The following GRK5 variants were observed in gnomAD, a reference collection of about 807,000 sequenced individuals.
GRK5 encodes the protein G protein-coupled receptor kinase 5.
Under a neutral mutation model 78.4 loss-of-function variants are expected in GRK5, and 40 were observed. The ratio of observed to expected loss-of-function variants is 0.51; its 90% CI spans 0.40 to 0.66. The LOEUF is 0.66. Ranked by LOEUF, GRK5 falls within the 30% of genes least tolerant of loss-of-function variation. The pLI, the probability that GRK5 is intolerant of heterozygous loss-of-function variation, is 0.00. For synonymous variants in GRK5, 289 were observed against 296.8 expected (o/e 0.97, Z 0.27); for missense variants, 598 against 759.9 (o/e 0.79, Z 2.50).
In GRK5 at chr10:119,455,075, T is replaced by C. The variant is rs1172020314; in HGVS notation, c.*8T>C. ...TCCACCGGAAGCAGCTAGTTTCGGC[T>C]CTGGCCTCCAAGTCCACAGTGGAAC... is the stretch of plus-strand genomic sequence containing the variant. On this transcript the variant is annotated 3_prime_UTR_variant, in exon 16 of 16. Coordinates refer to ENST00000392870, the MANE Select transcript of GRK5 (RefSeq NM_005308.3). 5 of 1,605,198 alleles carry C rather than the reference T, an allele frequency of 3.1e-6. No individual in the cohort carries two copies. Among genetic ancestry groups the C allele is most frequent in the South Asian group, 1.1e-5 (1 of 90,932 alleles).
chr10:119,287,489 C>T (rs1444176445), intron 1 of GRK5, among the ~76,000 whole-genome samples: 1 of 152,070 alleles, frequency 6.6e-6, no homozygotes, highest in Non-Finnish European at 1.5e-5. Context: ...TCTGTCCGTC[C>T]ATTATTAATA....
chr10:119,404,987 A>G (rs1176537958), intron 4 of GRK5, among the ~76,000 whole-genome samples: 2 of 152,228 alleles, frequency 1.3e-5, no homozygotes, highest in Admixed American at 6.5e-5. Context: ...TACTTGTAGG[A>G]CATTTTGCTG....
rs542551498 is a variant in GRK5, at chr10:119,328,976, T to C, written c.148+2365T>C. On this transcript the variant is annotated intron_variant, in intron 2 of 15. Transcript: ENST00000392870. Reference sequence around the variant, plus strand: ...CCAGAGCACCCTTCCTCAGGGCTCTTTGGGGAGGAACTGGATTGTTAAAAT... The same window carrying C: ...CCAGAGCACCCTTCCTCAGGGCTCTCTGGGGAGGAACTGGATTGTTAAAAT... 4.5e-4 allele frequency among the ~76,000 whole-genome samples: 68 copies of C among 152,254 alleles called. 1 individual carries two copies. The highest frequency in any genetic ancestry group is 9.0e-4 in the Non-Finnish European group (61 of 68,002).
chr10:119,401,308 T>C (rs1164498436), intron 4 of GRK5, among the ~76,000 whole-genome samples: 1 of 152,212 alleles, frequency 6.6e-6, no homozygotes, highest in Non-Finnish European at 1.5e-5. Context: ...CCTGAAGTTT[T>C]TATCTCAAGA....
chr10:119,410,507 G>T (rs1297531832), intron 4 of GRK5, among the ~76,000 whole-genome samples: 1 of 152,214 alleles, frequency 6.6e-6, no homozygotes, highest in East Asian at 1.9e-4. Flanking sequence ...CTGGGTCTCA[G>T]GCTGACCAGG....
chr10:119,237,796 CAAAG>C (rs776076133), intron 1 of GRK5, among the ~76,000 whole-genome samples: 2 of 152,030 alleles, frequency 1.3e-5, no homozygotes, highest in Non-Finnish European at 2.9e-5. Flanking sequence ...ATAGAAAGGA[CAAAG>C]GAAATGGAAG....
At chr10:119,421,516 C>G (rs1431262472) in intron 4 of GRK5, among the ~76,000 whole-genome samples, 1 of 152,218 alleles carries the variant, frequency 6.6e-6, no homozygotes, top group South Asian at 2.1e-4. Context: ...CCCATGACAT[C>G]GAGGATCTTT....
intron 4 of GRK5, among the ~76,000 whole-genome samples, chr10:119,419,459 A>G (rs1281642480): frequency 6.6e-6 from 1 of 152,246 alleles, no homozygotes; most frequent in Non-Finnish European, 1.5e-5. Flanking sequence ...AATGGCCAGC[A>G]GCTTCTTATT....
rs1051456345 is a variant in GRK5, at chr10:119,217,132, G to A, written c.52+9163G>A. Among the ~76,000 whole-genome samples the A allele has an allele frequency of 4.6e-5, 7 of 152,120 alleles. No individual in the cohort carries two copies. Among genetic ancestry groups the A allele is most frequent in the African/African-American group, 1.7e-4 (7 of 41,416 alleles). On this transcript the variant is annotated intron_variant, in intron 1 of 15. Transcript: ENST00000392870. This position sits in a 1 kb window ranked among gnomAD's most constrained non-coding sequence, Gnocchi z 4.1. ...AACAAACTCTTCTCGAGATGGTAGG[G>A]TTTTTAAGTGTAAATACCCATGAGG...
In GRK5 at chr10:119,457,021, T is replaced by C. The variant is rs1388019000; in HGVS notation, c.*1954T>C. The C allele has an allele frequency of 6.6e-6, 1 of 152,236 alleles. No individual in the cohort carries two copies. The highest frequency in any genetic ancestry group is 1.5e-5 in the Non-Finnish European group (1 of 68,040). 9.4% of individuals were successfully genotyped at this position (152,236 alleles called of 1,614,324 possible). On this transcript the variant is annotated 3_prime_UTR_variant, in exon 16 of 16. Coordinates refer to ENST00000392870, the MANE Select transcript of GRK5 (RefSeq NM_005308.3). Reference sequence around the variant, plus strand: ...TTTTTGTTCAAGACCAGCTCTTGTTTTATGAGGCTCCTTCCATTACCTTTC... The same window carrying C: ...TTTTTGTTCAAGACCAGCTCTTGTTCTATGAGGCTCCTTCCATTACCTTTC...
chr10:119,397,239 A>G (rs1852070193), intron 4 of GRK5, among the ~76,000 whole-genome samples: 1 of 152,220 alleles, frequency 6.6e-6, no homozygotes, highest in African/African-American at 2.4e-5. Context: ...ATTCTGGAGT[A>G]TTCTGAAGGG....
rs1458335720 is a variant in GRK5 at position 119,431,690 on chromosome 10, A to G, written c.738+163A>G. On this transcript the variant is annotated intron_variant, in intron 8 of 15. Transcript: ENST00000392870. The surrounding 1 kb of genome is among the most constrained non-coding windows in gnomAD (Gnocchi z 4.8). ...CAGAAAGGCCGCAAGACATTCCTCC[A>G]TCACACGGCCCATTGTGGTCGACTG... Among the ~76,000 whole-genome samples, 1 of 152,218 alleles carries G rather than the reference A, an allele frequency of 6.6e-6. No homozygotes were observed. Among genetic ancestry groups the G allele is most frequent in the Non-Finnish European group, 1.5e-5 (1 of 68,024 alleles).
At chr10:119,416,162 C>T (rs17098857) in intron 4 of GRK5, among the ~76,000 whole-genome samples, 29,275 of 152,214 alleles carry the variant, frequency 0.19, 3,090 homozygotes, top group African/African-American at 0.26. Flanking sequence ...ACACTTGAAA[C>T]AAGGGATGTT....
intron 12 of GRK5, 34 bp downstream of exon 12, chr10:119,443,786 C>T: frequency 6.5e-7 from 1 of 1,540,456 alleles, no homozygotes. Flanking sequence ...CACCCTCAAG[C>T]TGGTGGCTCC....
intron 5 of GRK5, 63 bp from the exon 6 acceptor site, chr10:119,424,930 T>G: frequency 8.5e-7 from 1 of 1,177,264 alleles, no homozygotes; most frequent in Non-Finnish European, 1.3e-6. Context: ...TGGACACAGC[T>G]TTGCCCCCCT....
intron 2 of GRK5, among the ~76,000 whole-genome samples, chr10:119,369,578 C>T (rs1851512890): frequency 1.3e-5 from 2 of 152,360 alleles, no homozygotes; most frequent in South Asian, 4.1e-4. Context: ...CTGTTTTCCC[C>T]TCATTTGTAA....
intron 2 of GRK5, among the ~76,000 whole-genome samples, chr10:119,350,540 C>G (rs1445260351): frequency 1.3e-5 from 2 of 152,224 alleles, no homozygotes; most frequent in African/African-American, 4.8e-5. Flanking sequence ...ATGTCACCAC[C>G]TCTTGCTTTG....
At chr10:119,454,251 C>A (rs957179351) in intron 15 of GRK5, among the ~76,000 whole-genome samples, 1 of 152,326 alleles carries the variant, frequency 6.6e-6, no homozygotes, top group East Asian at 1.9e-4. Context: ...AAAGAAATTA[C>A]CATGGAGTCT....
chr10:119,347,428 T>C (rs1205489383), intron 2 of GRK5, among the ~76,000 whole-genome samples: 1 of 152,184 alleles, frequency 6.6e-6, no homozygotes, highest in Non-Finnish European at 1.5e-5. Context: ...TGCAAGTTTG[T>C]ATGTGTCCGT....
Sources: allele counts gnomAD v4.1 joint callset (sites outside exome capture counted in the v4.1 genomes callset), GRCh38; gene constraint gnomAD v4.1.1; non-coding constraint Gnocchi (gnomAD v3.1); transcripts MANE v1.5; gene names NCBI Gene and HGNC (gene_info 2026-07-23, HGNC 2026-07-21).